GABRA3: variants seen among roughly 807,000 people sequenced by gnomAD.
GABRA3 encodes the protein gamma-aminobutyric acid type A receptor subunit alpha3.
In GABRA3, 10 loss-of-function variants were observed where a neutral mutation model predicts 30.1. The ratio of observed to expected loss-of-function variants is 0.33; its 90% CI spans 0.20 to 0.56. The LOEUF is 0.56. GABRA3 is among the 20% of genes least tolerant of loss of function. The pLI, the probability that GABRA3 is intolerant of heterozygous loss-of-function variation, is 0.89. For missense variants in GABRA3, 233 were observed against 392.0 expected, an observed-to-expected ratio of 0.59 and a Z score of 3.42; for synonymous variants, 151 against 146.8, an observed-to-expected ratio of 1.03 and a Z score of -0.21.
intron 3 of GABRA3, among the ~76,000 whole-genome samples, chrX:152,285,512 A>T (rs930808277): frequency 1.2e-4 from 14 of 112,098 alleles, no homozygotes; most frequent in African/African-American, 4.5e-4. Context: ...TATGACTCAG[A>T]TGGTGCTCAC....
intron 3 of GABRA3, among the ~76,000 whole-genome samples, chrX:152,336,176 A>G (rs912966229): frequency 9.2e-6 from 1 of 108,948 alleles, no homozygotes; most frequent in Non-Finnish European, 1.9e-5. Flanking sequence ...TTTATATTCA[A>G]TATCTCCCCC....
intron 1 of GABRA3, among the ~76,000 whole-genome samples, chrX:152,417,916 C>A (rs1338229080): frequency 5.1e-5 from 5 of 97,571 alleles, no homozygotes; most frequent in East Asian, 3.6e-4. Flanking sequence ...GGGAGATATA[C>A]CTAATGCTAG....
intron 1 of GABRA3, among the ~76,000 whole-genome samples, chrX:152,408,440 C>G (rs913572552): frequency 7.2e-5 from 8 of 110,929 alleles, no homozygotes; most frequent in African/African-American, 2.6e-4. Flanking sequence ...AGTGAACAAT[C>G]TGAAAAAGAA....
At chrX:152,364,787 A>C (rs777286837) in intron 1 of GABRA3, among the ~76,000 whole-genome samples, 191 bp from the exon 2 acceptor site, 1 of 110,923 alleles carries the variant, frequency 9.0e-6, no homozygotes, top group Non-Finnish European at 1.9e-5. Flanking sequence ...ATGCCACCAA[A>C]ATCGCCCCCA....
intron 9 of GABRA3, among the ~76,000 whole-genome samples, chrX:152,181,682 G>A (rs1006543576): frequency 9.1e-6 from 1 of 109,636 alleles, no homozygotes; most frequent in South Asian, 4.0e-4. Context: ...GGGGTGGGAG[G>A]CTGGGGGAGG....
intron 1 of GABRA3, among the ~76,000 whole-genome samples, chrX:152,424,133 A>C (rs1186185641): frequency 9.0e-6 from 1 of 110,667 alleles, no homozygotes; most frequent in Non-Finnish European, 1.9e-5. Context: ...TCTAGATCCC[A>C]GCATTCTCCC....
At chrX:152,261,301 A>T (rs1418942226) in intron 4 of GABRA3, among the ~76,000 whole-genome samples, 1 of 111,684 alleles carries the variant, frequency 9.0e-6, no homozygotes, top group Non-Finnish European at 1.9e-5. Flanking sequence ...CCTCACATTT[A>T]AAAGTACAAT....
chrX:152,403,347 C>G (rs1213268298), intron 1 of GABRA3, among the ~76,000 whole-genome samples: 1 of 110,533 alleles, frequency 9.0e-6, no homozygotes, highest in Non-Finnish European at 1.9e-5. Context: ...AAGAAAAAAG[C>G]CATTCATATT....
At chrX:152,416,898 G>C (rs1172454312) in intron 1 of GABRA3, among the ~76,000 whole-genome samples, 2 of 105,537 alleles carry the variant, frequency 1.9e-5, no homozygotes, top group African/African-American at 7.0e-5. Flanking sequence ...AGACTTAAAC[G>C]TTAGACCTAA....
chrX:152,275,228 T>TTTATATATATAATATTATATATATATAAA, intron 4 of GABRA3, among the ~76,000 whole-genome samples: 1 of 64,309 alleles, frequency 1.6e-5, no homozygotes, highest in Admixed American at 2.6e-4. Context: ...ATATATATAA[T>TTTATATATATAATATTATATATATATAAA]TTATATATAT....
At chrX:152,232,088 AT>A (rs1260072350) in intron 5 of GABRA3, among the ~76,000 whole-genome samples, 4 of 111,687 alleles carry the variant, frequency 3.6e-5, no homozygotes, top group African/African-American at 1.3e-4. Context: ...CAGTTGCACA[AT>A]TCTATAAATC....
chrX:152,431,851 G>A (rs982858143), intron 1 of GABRA3, among the ~76,000 whole-genome samples: 6 of 111,332 alleles, frequency 5.4e-5, no homozygotes, highest in East Asian at 2.8e-4. Context: ...TCTAGAAGCC[G>A]GAAAAGTCAA....
At chrX:152,410,308 G>C (rs5970299) in intron 1 of GABRA3, among the ~76,000 whole-genome samples, 56,783 of 109,964 alleles carry the variant, frequency 0.52, 11,788 homozygotes, top group Non-Finnish European at 0.66. Flanking sequence ...TTTGATAGTA[G>C]AACAGAGTGA....
intron 5 of GABRA3, among the ~76,000 whole-genome samples, chrX:152,254,817 C>T (rs751437829): frequency 8.9e-6 from 1 of 111,857 alleles, no homozygotes; most frequent in South Asian, 3.7e-4. Context: ...GCCATAGAAG[C>T]TCCACTACAC....
chrX:152,338,180 T>C (rs994362687), intron 3 of GABRA3, among the ~76,000 whole-genome samples: 2 of 112,059 alleles, frequency 1.8e-5, no homozygotes, highest in Non-Finnish European at 3.8e-5. Flanking sequence ...TTTACTGTAT[T>C]GTCACCAGCA....
chrX:152,252,727 C>T (rs979173052), intron 5 of GABRA3, among the ~76,000 whole-genome samples: 5 of 111,097 alleles, frequency 4.5e-5, no homozygotes, highest in Non-Finnish European at 1.9e-5. Flanking sequence ...CCTAAAGTAA[C>T]GGAAGTTTAT....
intron 1 of GABRA3, among the ~76,000 whole-genome samples, chrX:152,433,705 C>T (rs1363963726): frequency 1.8e-4 from 11 of 62,657 alleles, no homozygotes; most frequent in Non-Finnish European, 3.0e-4. Flanking sequence ...TGAAGGAAGA[C>T]CAAAAAAAAA....
chrX:152,280,700 T>C (rs1030816906), intron 4 of GABRA3, among the ~76,000 whole-genome samples: 1 of 111,282 alleles, frequency 9.0e-6, no homozygotes, highest in Non-Finnish European at 1.9e-5. Context: ...AGTTCTTTCA[T>C]TGTATTGTAT....
intron 6 of GABRA3, among the ~76,000 whole-genome samples, chrX:152,211,280 T>G (rs1411679300): frequency 9.2e-6 from 1 of 108,997 alleles, no homozygotes; most frequent in Non-Finnish European, 1.9e-5. Flanking sequence ...GTTGAGTACC[T>G]GGCACAGACA....
Sources: allele counts gnomAD v4.1 joint callset (sites outside exome capture counted in the v4.1 genomes callset), GRCh38; gene constraint gnomAD v4.1.1; transcripts MANE v1.5; gene names NCBI Gene and HGNC (gene_info 2026-07-23, HGNC 2026-07-21).